Variants in RBM18 observed in about 807,000 individuals in gnomAD.
RBM18 encodes RNA binding motif protein 18, also known as probable RNA-binding protein 18.
Under a neutral mutation model 26.4 loss-of-function variants are expected in RBM18, and 18 were observed. That is an observed-to-expected ratio of 0.68 (90% confidence interval 0.47 to 1.01). The LOEUF is 1.01. Among genes scored for constraint, RBM18 ranks in the 50% least tolerant of loss-of-function variants. The pLI is 0.00. For synonymous variants in RBM18, 74 were observed against 81.1 expected (o/e 0.91, Z 0.47); for missense variants, 180 against 219.2 (o/e 0.82, Z 1.13).
chr9:122,247,962 T>G (rs974243488), intron 3 of RBM18, among the ~76,000 whole-genome samples: 34 of 151,910 alleles, frequency 2.2e-4, no homozygotes, highest in Admixed American at 6.6e-4. Flanking sequence ...TTTTTTTGTA[T>G]TTTTTAGTAG....
chr9:122,249,525 C>T (rs1366047258), intron 3 of RBM18, among the ~76,000 whole-genome samples: 1 of 151,922 alleles, frequency 6.6e-6, no homozygotes, highest in Non-Finnish European at 1.5e-5. Flanking sequence ...AGCCTGACAA[C>T]ATGGCGAACC....
chr9:122,258,866 T>A (rs1430297728), intron 2 of RBM18, among the ~76,000 whole-genome samples: 4 of 132,378 alleles, frequency 3.0e-5, no homozygotes, highest in Admixed American at 1.8e-4. Context: ...TGCCATGAGC[T>A]ATGATTGTGC....
At chr9:122,252,096 G>C (rs907198966) in intron 2 of RBM18, 123 bp from the exon 3 acceptor site, 7 of 1,272,044 alleles carry the variant, frequency 5.5e-6, no homozygotes, top group Non-Finnish European at 7.6e-6. Context: ...CCAGCCCCCT[G>C]CCTTCCTCTA....
intron 3 of RBM18, among the ~76,000 whole-genome samples, chr9:122,249,703 T>C (rs1831566843): frequency 6.7e-6 from 1 of 149,108 alleles, no homozygotes; most frequent in Non-Finnish European, 1.5e-5. Context: ...AGAGAGACCC[T>C]GTCTCAAAAA....
rs1325352241 is a variant in RBM18 at position 122,260,419 on chromosome 9, C to G, written c.113+961G>C. 2.6e-5 allele frequency among the ~76,000 whole-genome samples: 4 copies of G among 152,312 alleles called. No homozygotes were observed. The East Asian group carries it at 7.7e-4, about 29-fold the overall frequency. On this transcript the variant is annotated intron_variant, in intron 2 of 5. Coordinates refer to ENST00000417201, the MANE Select transcript of RBM18 (RefSeq NM_033117.4). Reference sequence around the variant, plus strand: ...TTGACCTCATACAGGCCAATCCACTCATTGTACTCTGCCACCAACCACCAC... The same window carrying G: ...TTGACCTCATACAGGCCAATCCACTGATTGTACTCTGCCACCAACCACCAC...
chr9:122,247,620 A>G lies in RBM18; in HGVS notation c.241-16T>C. 6.2e-7 allele frequency: 1 copy of G among 1,607,788 alleles called. No individual in the cohort carries two copies. Among genetic ancestry groups the G allele is most frequent in the Non-Finnish European group, 8.5e-7 (1 of 1,174,724 alleles). ...GCTCTGCTTCCTGTCCAGGAAAGGG[A>G]CAAATGTTAGTTAAAAACTGAAATG... On this transcript the variant is annotated splice_polypyrimidine_tract_variant and intron_variant, in intron 3 of 5. Coordinates refer to ENST00000417201, the MANE Select transcript of RBM18 (RefSeq NM_033117.4).
chr9:122,260,712 AAGGGTAGTAGTTGACAAAAG>A (rs1228511610), intron 2 of RBM18, among the ~76,000 whole-genome samples: 1 of 152,188 alleles, frequency 6.6e-6, no homozygotes, highest in Admixed American at 6.5e-5. Context: ...TGGCCAAAGA[AAGGGTAGTAGTTGACAAAAG>A]ATTTTGGTTC....
rs1399774737 is a variant in RBM18 at position 122,239,963 on chromosome 9, T to C, written c.*1921A>G. On this transcript the variant is annotated 3_prime_UTR_variant, in exon 6 of 6. Coordinates refer to ENST00000417201, the MANE Select transcript of RBM18 (RefSeq NM_033117.4). ...AGTGGAAACAAGCCTGTCAGAGAAC[T>C]GCAGTCTATGCCAGTAAGTGAACGA... 3 of 152,244 alleles carry C rather than the reference T, an allele frequency of 2.0e-5. No homozygotes were observed. The highest frequency in any genetic ancestry group is 4.4e-5 in the Non-Finnish European group (3 of 68,052). 9.4% of individuals were successfully genotyped at this position (152,244 alleles called of 1,614,324 possible).
chr9:122,245,036 T>C (rs1831481974), intron 5 of RBM18, among the ~76,000 whole-genome samples: 1 of 152,218 alleles, frequency 6.6e-6, no homozygotes, highest in Non-Finnish European at 1.5e-5. Flanking sequence ...CTACACCCAG[T>C]CTTTTTCGAG....
Position 122,254,199 on chromosome 9 carries a change from A to G in RBM18, c.114-2226T>C, listed in dbSNP as rs571608996. 6.7e-4 allele frequency: 160 copies of G among 240,254 alleles called. 2 individuals are homozygous for G. The South Asian group carries it at 0.023, about 35-fold the overall frequency. The allele number at this position is 240,254 out of a possible 1,614,324, so 14.9% of individuals were successfully genotyped here. A position where few individuals can be genotyped will look rare whatever the true frequency, so the allele number is the denominator to read the frequency against. ...GAAATGAATTTTAATTTACTCAGAA[A>G]AAAAAAAACACACACACCAACAAAA... On this transcript the variant is annotated intron_variant, in intron 2 of 5. Coordinates refer to ENST00000417201, the MANE Select transcript of RBM18 (RefSeq NM_033117.4).
chr9:122,240,000 A>G lies in RBM18; in HGVS notation c.*1884T>C, dbSNP rs1474948505. The G allele has an allele frequency of 6.6e-6, 1 of 152,234 alleles. No individual in the cohort carries two copies. Among genetic ancestry groups the G allele is most frequent in the Non-Finnish European group, 1.5e-5 (1 of 68,036 alleles). The allele number at this position is 152,234 out of a possible 1,614,324, so 9.4% of individuals were successfully genotyped here. A position where few individuals can be genotyped will look rare whatever the true frequency, so the allele number is the denominator to read the frequency against. On this transcript the variant is annotated 3_prime_UTR_variant, in exon 6 of 6. Coordinates refer to ENST00000417201, the MANE Select transcript of RBM18 (RefSeq NM_033117.4). ...CAGTAAGTGAACGAGAGAAGATATA[A>G]CCACACGGACACCGTCTTACATTTA... is the stretch of plus-strand genomic sequence containing the variant.
rs1307821823 is a variant in RBM18, at chr9:122,240,507, T to C, written c.*1377A>G. 6.6e-6 allele frequency: 1 copy of C among 152,254 alleles called. No homozygotes were observed. The highest frequency in any genetic ancestry group is 1.5e-5 in the Non-Finnish European group (1 of 68,042). 9.4% of individuals were successfully genotyped at this position (152,254 alleles called of 1,614,324 possible). A position where few individuals can be genotyped will look rare whatever the true frequency, so the allele number is the denominator to read the frequency against. ...CATGGGAAGATGTTAAGTTCCTATA[T>C]TGAAAGCTTCCTCTTGCTAACAACG... On this transcript the variant is annotated 3_prime_UTR_variant, in exon 6 of 6. Coordinates refer to ENST00000417201, the MANE Select transcript of RBM18 (RefSeq NM_033117.4).
intron 5 of RBM18, 68 bp from the exon 6 acceptor site, chr9:122,242,111 C>A: frequency 6.9e-7 from 1 of 1,451,648 alleles, no homozygotes; most frequent in East Asian, 2.3e-5. Flanking sequence ...TACAGTTCCT[C>A]TCCTTGAGCC....
chr9:122,248,548 T>G (rs1489315322), intron 3 of RBM18, among the ~76,000 whole-genome samples: 2 of 152,194 alleles, frequency 1.3e-5, no homozygotes, highest in East Asian at 3.9e-4. Context: ...AAGGTATCTG[T>G]GTGAGTCAAT....
intron 4 of RBM18, among the ~76,000 whole-genome samples, chr9:122,246,622 T>A (rs1021163856): frequency 6.6e-6 from 1 of 152,222 alleles, no homozygotes; most frequent in Admixed American, 6.5e-5. Context: ...CTCAGAAGGA[T>A]CTAAAGTATC....
At chr9:122,245,572 G>A (rs972475444) in intron 4 of RBM18, among the ~76,000 whole-genome samples, 1 of 152,008 alleles carries the variant, frequency 6.6e-6, no homozygotes, top group African/African-American at 2.4e-5. Context: ...TTATTTGGTA[G>A]GAAAAAAATG....
chr9:122,254,077 A>AG (rs1205137701), intron 2 of RBM18, among the ~76,000 whole-genome samples: 1 of 151,886 alleles, frequency 6.6e-6, no homozygotes, highest in Non-Finnish European at 1.5e-5. Flanking sequence ...CACAAAAAAA[A>AG]CAAAAAAGAC....
chr9:122,260,759 T>C (rs933956630), intron 2 of RBM18, among the ~76,000 whole-genome samples: 1 of 152,216 alleles, frequency 6.6e-6, no homozygotes, highest in African/African-American at 2.4e-5. Flanking sequence ...TTCTCCCTTT[T>C]AGTCAGAGCA....
chr9:122,248,202 G>A (rs539607094), intron 3 of RBM18, among the ~76,000 whole-genome samples: 2 of 152,316 alleles, frequency 1.3e-5, no homozygotes, highest in South Asian at 4.2e-4. Context: ...GTAAAATACA[G>A]ATAAATAATG....
Sources: gnomAD v4.1 joint callset for allele counts (sites outside exome capture counted in the v4.1 genomes callset) on GRCh38, gnomAD v4.1.1 for gene constraint, MANE v1.5 for transcripts, NCBI Gene and HGNC (gene_info 2026-07-23, HGNC 2026-07-21) for gene names.